WDSUB1: variants seen among roughly 807,000 people sequenced by gnomAD.
The protein encoded by WDSUB1 is WD repeat, sterile alpha motif and U-box domain containing 1.
A neutral mutation model predicts 53.9 loss-of-function variants in WDSUB1; 49 were observed. The observed-to-expected ratio is 0.91, with a 90% CI of 0.72 to 1.15. The LOEUF (loss-of-function observed/expected upper bound fraction) is 1.15. Ranked by LOEUF, WDSUB1 falls within the 50% of genes most tolerant of loss-of-function variation. The probability of loss-of-function intolerance (pLI) is 0.00; values close to 1 mark genes in which losing one functional copy is unlikely to be tolerated. For synonymous variants in WDSUB1, 194 were observed against 200.6 expected, an observed-to-expected ratio of 0.97 and a Z score of 0.28; for missense variants, 514 against 562.0, an observed-to-expected ratio of 0.91 and a Z score of 0.86.
intron 10 of WDSUB1, among the ~76,000 whole-genome samples, chr2:159,243,218 C>G (rs1446963607): frequency 6.8e-6 from 1 of 147,780 alleles, no homozygotes; most frequent in Non-Finnish European, 1.5e-5. Context: ...GAAAAAAAAG[C>G]CACTTGAAAG....
chr2:159,273,901 C>G (rs563425921), intron 4 of WDSUB1, among the ~76,000 whole-genome samples: 8 of 152,160 alleles, frequency 5.3e-5, no homozygotes, highest in African/African-American at 1.9e-4. Flanking sequence ...TAATTATGAA[C>G]AACAAAAATA....
chr2:159,244,690 C>T (rs1033433843), intron 10 of WDSUB1, among the ~76,000 whole-genome samples: 15 of 152,158 alleles, frequency 9.9e-5, no homozygotes, highest in African/African-American at 3.6e-4. Context: ...TTTGGGAGGA[C>T]AAGGCAGGAG....
At chr2:159,245,302 C>G (rs1328459895) in intron 10 of WDSUB1, among the ~76,000 whole-genome samples, 1 of 152,032 alleles carries the variant, frequency 6.6e-6, no homozygotes, top group Non-Finnish European at 1.5e-5. Flanking sequence ...CAAAGGAGGA[C>G]AGACCCCCTG....
chr2:159,262,536 G>A (rs544426966), intron 5 of WDSUB1, among the ~76,000 whole-genome samples: 2 of 152,064 alleles, frequency 1.3e-5, no homozygotes, highest in East Asian at 3.9e-4. Context: ...AACAAAAAAC[G>A]AAAATTATAA....
chr2:159,255,838 T>C (rs2061050550), intron 9 of WDSUB1, among the ~76,000 whole-genome samples: 2 of 152,222 alleles, frequency 1.3e-5, no homozygotes, highest in Admixed American at 6.5e-5. Flanking sequence ...TAGAGCATGA[T>C]ATCAAAACTT....
intron 10 of WDSUB1, among the ~76,000 whole-genome samples, chr2:159,239,527 A>G: frequency 6.6e-6 from 1 of 152,132 alleles, no homozygotes; most frequent in East Asian, 1.9e-4. Flanking sequence ...GGGGTGGCTA[A>G]TATTTCTAAA....
At chr2:159,260,756 TCTGG>T (rs1451668139) in intron 5 of WDSUB1, among the ~76,000 whole-genome samples, 1 of 152,226 alleles carries the variant, frequency 6.6e-6, no homozygotes, top group Non-Finnish European at 1.5e-5. Flanking sequence ...TATGCCTCTA[TCTGG>T]CATTTCTACC....
At chr2:159,256,938 C>T (rs1303412344) in intron 8 of WDSUB1, among the ~76,000 whole-genome samples, 2 of 152,136 alleles carry the variant, frequency 1.3e-5, no homozygotes, top group Non-Finnish European at 2.9e-5. Context: ...TGAATGTGCA[C>T]TGAAAGCATT....
At chr2:159,259,473 A>G (rs924568096) in intron 6 of WDSUB1, among the ~76,000 whole-genome samples, 3 of 152,246 alleles carry the variant, frequency 2.0e-5, no homozygotes, top group African/African-American at 7.2e-5. Flanking sequence ...CAAAAACCCT[A>G]GGGTAAACAT....
intron 9 of WDSUB1, among the ~76,000 whole-genome samples, chr2:159,249,377 T>C (rs988210622): frequency 1.3e-5 from 2 of 152,206 alleles, no homozygotes; most frequent in African/African-American, 4.8e-5. Context: ...ATTTTAGGAA[T>C]TTTAGAATTA....
At position 159,247,918 on chromosome 2, in the gene WDSUB1, TATATATATAA is replaced by T. The variant is rs1373141489; in HGVS notation, c.1273+444_1273+453del. On this transcript the variant is annotated intron_variant, in intron 10 of 10. Coordinates refer to ENST00000359774, the MANE Select transcript of WDSUB1 (RefSeq NM_001128212.3). ...ATATATATATATATATAAATATATA[TATATATATAA>T]ATATATATATATATAAAATTTGGAT... 4.8e-3 allele frequency among the ~76,000 whole-genome samples: 370 copies of T among 77,468 alleles called. 9 individuals carry two copies. The highest frequency in any genetic ancestry group is 0.021 in the African/African-American group (278 of 13,014). 50.8% of individuals were successfully genotyped at this position (77,468 alleles called of 152,430 possible).
intron 9 of WDSUB1, among the ~76,000 whole-genome samples, chr2:159,252,235 A>G (rs1328077725): frequency 6.6e-6 from 1 of 152,228 alleles, no homozygotes; most frequent in East Asian, 1.9e-4. Flanking sequence ...CTATAGATAC[A>G]TGAGGAATTT....
In WDSUB1 at chr2:159,265,807, T is replaced by G. The variant is rs2061333482; in HGVS notation, c.770+5895A>C. Among the ~76,000 whole-genome samples the G allele has an allele frequency of 2.0e-5, 3 of 152,236 alleles. No homozygotes were observed. The South Asian group carries it at 6.2e-4, about 32-fold the overall frequency. On this transcript the variant is annotated intron_variant, in intron 5 of 10. Coordinates refer to ENST00000359774, the MANE Select transcript of WDSUB1 (RefSeq NM_001128212.3). ...GAAGTAGGGTGGAACAAAAGACAAA[T>G]TCTGCTAAGGGGCTGGAGCAAAGTT...
intron 4 of WDSUB1, among the ~76,000 whole-genome samples, chr2:159,273,086 A>G (rs2061474258): frequency 6.6e-6 from 1 of 152,190 alleles, no homozygotes; most frequent in Non-Finnish European, 1.5e-5. Context: ...AGGTCATCAG[A>G]GTAAGTAAAA....
Position 159,257,795 on chromosome 2 carries a change from C to T in WDSUB1, c.915G>A (p.Val305=). Residue 305 remains valine, a synonymous_variant, in exon 8 of 11, where the codon GTG becomes GTA. Transcript: ENST00000359774. ...TTTCCAGGTCAAATTGCCAGATGTT[C>T]ACTGTTTTGTCCATTGAACCAGTAG... is the stretch of plus-strand genomic sequence containing the variant. The part of the protein sequence containing the change: ...LLATGSMDKT[V]NIWQFDLETL... 1 of 1,614,182 alleles carries T rather than the reference C, an allele frequency of 6.2e-7. No homozygotes were observed. Among genetic ancestry groups the T allele is most frequent in the Non-Finnish European group, 8.5e-7 (1 of 1,180,030 alleles).
At chr2:159,282,521 G>A (rs577023707) in intron 2 of WDSUB1, 151 bp downstream of exon 2, 5 of 889,070 alleles carry the variant, frequency 5.6e-6, no homozygotes, top group Admixed American at 2.8e-5. Flanking sequence ...TGTGCTACCT[G>A]AAAACTATTG....
chr2:159,280,706 A>AC (rs2061645164), intron 2 of WDSUB1, among the ~76,000 whole-genome samples: 4 of 148,006 alleles, frequency 2.7e-5, no homozygotes, highest in African/African-American at 1.0e-4. Context: ...AAAAAAAAAA[A>AC]AAATTACCCA....
chr2:159,277,867 C>T (rs192703576), intron 3 of WDSUB1, among the ~76,000 whole-genome samples: 49 of 152,110 alleles, frequency 3.2e-4, no homozygotes, highest in African/African-American at 9.9e-4. Flanking sequence ...CTAAAGAAGG[C>T]ACAAAGATTA....
At chr2:159,246,443 A>AT (rs2060799031) in intron 10 of WDSUB1, among the ~76,000 whole-genome samples, 1 of 151,656 alleles carries the variant, frequency 6.6e-6, no homozygotes, top group African/African-American at 2.4e-5. Context: ...AAAAAAAAAA[A>AT]AAAAAGCACA....
Sources: gnomAD v4.1 joint callset for allele counts (sites outside exome capture counted in the v4.1 genomes callset) on GRCh38, gnomAD v4.1.1 for gene constraint, MANE v1.5 for transcripts, NCBI Gene and HGNC (gene_info 2026-07-23, HGNC 2026-07-21) for gene names.